The following PHKB variants were observed in gnomAD, a reference collection of about 807,000 sequenced individuals.
The protein encoded by PHKB is phosphorylase kinase regulatory subunit beta.
A neutral mutation model predicts 152.1 loss-of-function variants in PHKB; 122 were observed. The observed-to-expected ratio is 0.80, with a 90% confidence interval of 0.69 to 0.93. The LOEUF is 0.93. Among genes scored for constraint, PHKB ranks in the 40% least tolerant of loss-of-function variants. PHKB has a pLI of 0.00. For synonymous variants in PHKB, 436 were observed against 464.9 expected, an observed-to-expected ratio of 0.94 and a Z score of 0.80; for missense variants, 1,304 against 1,328.4, an observed-to-expected ratio of 0.98 and a Z score of 0.29.
chr16:47,648,736 A>C (rs1181063970), intron 17 of PHKB, 120 bp downstream of exon 17: 5 of 740,212 alleles, frequency 6.8e-6, no homozygotes, highest in Admixed American at 3.8e-5. Context: ...ACTTATCTGA[A>C]GTATTATTTT....
chr16:47,663,577 C>A, intron 23 of PHKB, 100 bp from the exon 24 acceptor site: 1 of 910,946 alleles, frequency 1.1e-6, no homozygotes, highest in Non-Finnish European at 1.8e-6. Flanking sequence ...TGTATCAACT[C>A]TAGTGAAGCA....
intron 6 of PHKB, among the ~76,000 whole-genome samples, chr16:47,542,627 C>T (rs554924199): frequency 5.3e-4 from 80 of 152,304 alleles, no homozygotes; most frequent in African/African-American, 1.8e-3. Context: ...TCTTCCTATC[C>T]ATGAGCATGG....
At chr16:47,609,688 T>A (rs1972392070) in intron 13 of PHKB, among the ~76,000 whole-genome samples, 1 of 152,130 alleles carries the variant, frequency 6.6e-6, no homozygotes, top group Admixed American at 6.6e-5. Flanking sequence ...ATCCATTTCA[T>A]CTAGGTTATC....
In PHKB at chr16:47,587,690, T is replaced by C; in HGVS notation, c.797T>C (p.Phe266Ser). 1 of 1,613,492 alleles carries C rather than the reference T, an allele frequency of 6.2e-7. No homozygotes were observed. ...CAGGGCTGTTCGTGGTCAGTTATAT[T>C]TGTGGATCTCGATGCTCACAATCGC... Reference protein sequence around the residue: ...GNQGCSWSVIFVDLDAHNRNR... With the variant: ...GNQGCSWSVISVDLDAHNRNR... Residue 266 changes from phenylalanine (F) to serine (S), a missense_variant, in exon 9 of 31, where the codon TTT (phenylalanine) becomes TCT (serine). By Grantham distance (155) the Phe-to-Ser change is radical. Coordinates refer to ENST00000323584, the MANE Select transcript of PHKB (RefSeq NM_000293.3).
intron 6 of PHKB, among the ~76,000 whole-genome samples, chr16:47,517,636 T>G (rs984293473): frequency 6.6e-6 from 1 of 152,222 alleles, no homozygotes; most frequent in Non-Finnish European, 1.5e-5. Flanking sequence ...TTTGTATTTT[T>G]ATTTGTCAAC....
rs901777437 is a variant in PHKB, at chr16:47,701,523, A to G, written c.*2157A>G. ...TCAGTAAATCTTGATATTCACCTTT[A>G]CAAAAGCCAATGCCTGTTTTCTTAT... On this transcript the variant is annotated 3_prime_UTR_variant, in exon 31 of 31. Transcript: ENST00000323584. 8.5e-5 allele frequency: 13 copies of G among 152,228 alleles called. No individual in the cohort carries two copies. The highest frequency in any genetic ancestry group is 3.1e-4 in the African/African-American group (13 of 41,456). 9.4% of individuals were successfully genotyped at this position (152,228 alleles called of 1,614,324 possible).
intron 13 of PHKB, among the ~76,000 whole-genome samples, chr16:47,601,684 G>A (rs1972229518): frequency 6.6e-6 from 1 of 150,384 alleles, no homozygotes; most frequent in Admixed American, 6.6e-5. Flanking sequence ...CAGCCTGGGT[G>A]ACAGAGCAAG....
chr16:47,605,042 A>G (rs981452983), intron 13 of PHKB, among the ~76,000 whole-genome samples: 14 of 152,220 alleles, frequency 9.2e-5, no homozygotes, highest in Middle Eastern at 3.2e-3. Flanking sequence ...TGCCTCCTGA[A>G]TGATAAAAAT....
Position 47,482,832 on chromosome 16 carries a change from C to T in PHKB, c.77-14567C>T, listed in dbSNP as rs113820249. ...GCCTCCTGGGCTCAAGCGATTCTCC[C>T]ACCTCAGCCTCCCATGTAACTGGGA... On this transcript the variant is annotated intron_variant, in intron 1 of 30. Coordinates refer to ENST00000323584, the MANE Select transcript of PHKB (RefSeq NM_000293.3). 5.4e-4 allele frequency among the ~76,000 whole-genome samples: 81 copies of T among 149,702 alleles called. 2 individuals are homozygous for T. The highest frequency in any genetic ancestry group is 1.8e-3 in the African/African-American group (75 of 40,682).
At chr16:47,629,844 A>T (rs1353403190) in intron 14 of PHKB, among the ~76,000 whole-genome samples, 1 of 152,216 alleles carries the variant, frequency 6.6e-6, no homozygotes, top group Non-Finnish European at 1.5e-5. Flanking sequence ...CTATGCAGCC[A>T]TAAAAAATGA....
intron 1 of PHKB, among the ~76,000 whole-genome samples, chr16:47,493,343 A>G (rs1970181786): frequency 6.6e-6 from 1 of 152,246 alleles, no homozygotes; most frequent in African/African-American, 2.4e-5. Flanking sequence ...TTGCAAAGAA[A>G]TAACTTTGTC....
intron 26 of PHKB, chr16:47,675,649 A>G (rs1973718274): frequency 6.6e-6 from 1 of 152,178 alleles, no homozygotes; most frequent in African/African-American, 2.4e-5. Context: ...CCTTTCAGCC[A>G]TGGTTGAGTC....
chr16:47,482,247 C>G (rs1683685879), intron 1 of PHKB, among the ~76,000 whole-genome samples: 5 of 152,260 alleles, frequency 3.3e-5, no homozygotes, highest in Admixed American at 3.3e-4. Context: ...CTAATGCCAT[C>G]TCTTCCTTGT....
chr16:47,467,808 C>G (rs1483467538), intron 1 of PHKB, among the ~76,000 whole-genome samples: 2 of 152,144 alleles, frequency 1.3e-5, no homozygotes, highest in African/African-American at 4.8e-5. Context: ...ATTGTGCATT[C>G]TAAAAGCGAT....
At position 47,589,207 on chromosome 16, in the gene PHKB, A is replaced by G. The variant is rs943320476; in HGVS notation, c.1068+105A>G. On this transcript the variant is annotated intron_variant, in intron 10 of 30. Coordinates refer to ENST00000323584, the MANE Select transcript of PHKB (RefSeq NM_000293.3). Reference sequence around the variant, plus strand: ...ATTCTGGCTCTGCTACTTACTAGCTATGTGGCCCTGGGCCAGTTAATTAAT... The same window carrying G: ...ATTCTGGCTCTGCTACTTACTAGCTGTGTGGCCCTGGGCCAGTTAATTAAT... The G allele has an allele frequency of 6.1e-5, 48 of 789,782 alleles. 1 individual carries two copies. The highest frequency in any genetic ancestry group is 4.6e-4 in the Admixed American group (20 of 43,098). 48.9% of individuals were successfully genotyped at this position (789,782 alleles called of 1,614,324 possible).
intron 20 of PHKB, among the ~76,000 whole-genome samples, chr16:47,657,706 T>C (rs1455741919): frequency 6.6e-6 from 1 of 152,316 alleles, no homozygotes; most frequent in East Asian, 1.9e-4. Context: ...ATGGGCTGAA[T>C]TAGAATATAA....
At chr16:47,697,065 T>C (rs1974161022) in intron 29 of PHKB, among the ~76,000 whole-genome samples, 1 of 152,230 alleles carries the variant, frequency 6.6e-6, no homozygotes. Flanking sequence ...AGAACACATG[T>C]GTCCTTTTGT....
At chr16:47,690,225 T>C (rs1046917477) in intron 27 of PHKB, among the ~76,000 whole-genome samples, 1 of 152,150 alleles carries the variant, frequency 6.6e-6, no homozygotes, top group African/African-American at 2.4e-5. Flanking sequence ...CAAAAAGATA[T>C]AATCACACCT....
intron 1 of PHKB, among the ~76,000 whole-genome samples, chr16:47,483,257 A>G (rs1318719647): frequency 2.6e-5 from 4 of 151,760 alleles, no homozygotes; most frequent in Admixed American, 2.0e-4. Flanking sequence ...TATGTTGGCC[A>G]TGCTGGTCTC....
Sources: gnomAD v4.1 joint callset for allele counts (sites outside exome capture counted in the v4.1 genomes callset) on GRCh38, gnomAD v4.1.1 for gene constraint, MANE v1.5 for transcripts, NCBI Gene and HGNC (gene_info 2026-07-23, HGNC 2026-07-21) for gene names.